The following AHDC1 variants were observed in gnomAD, a reference collection of about 807,000 sequenced individuals.
The protein encoded by AHDC1 is AT-hook DNA binding motif containing 1, also known as transcription factor Gibbin.
A neutral mutation model predicts 87.9 loss-of-function variants in AHDC1; 7 were observed. The observed-to-expected ratio is 0.08, with a 90% confidence interval of 0.05 to 0.15. The LOEUF is 0.15. Among genes scored for constraint, AHDC1 ranks in the 10% least tolerant of loss-of-function variants. The probability of loss-of-function intolerance (pLI) is 1.00; values close to 1 mark genes in which losing one functional copy is unlikely to be tolerated. For synonymous variants in AHDC1, 1,051 were observed against 1,006.8 expected, an observed-to-expected ratio of 1.04 and a Z score of -0.83; for missense variants, 1,841 against 2,253.2, an observed-to-expected ratio of 0.82 and a Z score of 3.70.
intron 8 of AHDC1, among the ~76,000 whole-genome samples, chr1:27,537,604 C>T (rs1035683601): frequency 2.0e-5 from 3 of 152,204 alleles, no homozygotes; most frequent in Admixed American, 6.5e-5. Context: ...ACCATAGCTA[C>T]GGTACCCTTG....
In AHDC1 at chr1:27,548,863, CGGCAGAGGCTGCAGAGGT is replaced by C. The variant is rs1388975523; in HGVS notation, c.3235_3252del (p.Thr1079_Ala1084del). 2.9e-5 allele frequency: 46 copies of C among 1,612,344 alleles called. No individual in the cohort carries two copies. The highest frequency in any genetic ancestry group is 3.6e-5 in the Non-Finnish European group (42 of 1,179,678). On this transcript the variant is annotated inframe_deletion, in exon 8 of 9. Transcript: ENST00000673934. ...TGGAAGGAGGAGGAGGAGGAGGAGG[CGGCAGAGGCTGCAGAGGT>C]GGCAGAGGCTGTGGTGCCCTTGGGT...
At chr1:27,573,996 T>C (rs995342643) in intron 3 of AHDC1, among the ~76,000 whole-genome samples, 19 of 152,078 alleles carry the variant, frequency 1.2e-4, no homozygotes, top group African/African-American at 4.6e-4. Flanking sequence ...GAACTGGGGA[T>C]AGGAGAGGTT....
chr1:27,572,454 T>C (rs2088560480), intron 3 of AHDC1, among the ~76,000 whole-genome samples: 1 of 152,144 alleles, frequency 6.6e-6, no homozygotes, highest in African/African-American at 2.4e-5. Flanking sequence ...TGACATCTGA[T>C]AGCAGCCCAA....
intron 3 of AHDC1, among the ~76,000 whole-genome samples, chr1:27,582,272 T>G (rs1233671129): frequency 6.6e-6 from 1 of 152,256 alleles, no homozygotes; most frequent in Non-Finnish European, 1.5e-5. Flanking sequence ...GACTCTTGAC[T>G]CAGTCAGATT....
At position 27,548,841 on chromosome 1, in the gene AHDC1, A is replaced by AAGGAGGAGG. The variant is rs530256606; in HGVS notation, c.3266_3274dup (p.Ser1089_Ser1091dup). 2.5e-6 allele frequency: 4 copies of AAGGAGGAGG among 1,611,746 alleles called. No homozygotes were observed. Among genetic ancestry groups the AAGGAGGAGG allele is most frequent in the Non-Finnish European group, 3.4e-6 (4 of 1,179,128 alleles). ...CCGACAGTTCTCGGGCGAGGGCTGG[A>AAGGAGGAGG]AGGAGGAGGAGGAGGAGGAGGCGGC... On this transcript the variant is annotated inframe_insertion, in exon 8 of 9. Transcript: ENST00000673934.
In AHDC1 at chr1:27,595,713, G is replaced by A. The variant is rs1234078688; in HGVS notation, c.-629+7684C>T. On this transcript the variant is annotated intron_variant, in intron 3 of 8. Coordinates refer to ENST00000673934, the MANE Select transcript of AHDC1 (RefSeq NM_001371928.1). This position sits in a 1 kb window ranked among gnomAD's most constrained non-coding sequence, Gnocchi z 4.0. ...GGTCCCTCCATACGTGGGAAGGGAA[G>A]AATGGGTCTCTGATATCAGAGATGT... 6.6e-6 allele frequency among the ~76,000 whole-genome samples: 1 copy of A among 151,950 alleles called. No individual in the cohort carries two copies. Among genetic ancestry groups the A allele is most frequent in the Non-Finnish European group, 1.5e-5 (1 of 67,976 alleles).
chr1:27,571,096 T>C (rs1339190748), intron 3 of AHDC1, among the ~76,000 whole-genome samples: 1 of 152,168 alleles, frequency 6.6e-6, no homozygotes, highest in Non-Finnish European at 1.5e-5. Context: ...CTCTACTTCC[T>C]GTGGCCAGAC....
chr1:27,559,815 A>G (rs2019986836), intron 3 of AHDC1, among the ~76,000 whole-genome samples: 1 of 152,078 alleles, frequency 6.6e-6, no homozygotes, highest in African/African-American at 2.4e-5. Flanking sequence ...CGAGGTCTGT[A>G]CTGGAGCCCA....
At chr1:27,601,869 CG>C (rs1467609637) in intron 3 of AHDC1, among the ~76,000 whole-genome samples, 95 of 152,218 alleles carry the variant, frequency 6.2e-4, no homozygotes, top group Non-Finnish European at 9.8e-4. Flanking sequence ...CAGCCGGCGG[CG>C]ACAGCAGCAG....
Position 27,566,497 on chromosome 1 carries a change from C to A in AHDC1, c.-628-7614G>T, listed in dbSNP as rs373618994. 9.2e-5 allele frequency among the ~76,000 whole-genome samples: 14 copies of A among 151,718 alleles called. No individual in the cohort carries two copies. In the East Asian group the frequency reaches 2.3e-3, roughly 25 times the overall value. On this transcript the variant is annotated intron_variant, in intron 3 of 8. Transcript: ENST00000673934. The stretch of plus-strand genomic sequence containing the variant: ...AACCTGAGGAGTCTGCACAGACAGG[C>A]GGAGGCACAGAGCACCAGCGACCCG...
intron 3 of AHDC1, among the ~76,000 whole-genome samples, chr1:27,575,704 G>A (rs1034511326): frequency 6.6e-6 from 1 of 151,650 alleles, no homozygotes; most frequent in African/African-American, 2.4e-5. Context: ...CAACCCGGCC[G>A]GGTAGCCACG....
At chr1:27,555,747 C>G (rs1403306084) in intron 5 of AHDC1, among the ~76,000 whole-genome samples, 4 of 152,154 alleles carry the variant, frequency 2.6e-5, no homozygotes, top group African/African-American at 9.7e-5. Context: ...TCAGGCTAGC[C>G]GAGCCTTCCC....
intron 3 of AHDC1, among the ~76,000 whole-genome samples, chr1:27,576,738 G>A (rs2088762837): frequency 6.6e-6 from 1 of 152,200 alleles, no homozygotes; most frequent in Non-Finnish European, 1.5e-5. Context: ...CCAGGCATGA[G>A]GGGCTGTTCT....
intron 3 of AHDC1, among the ~76,000 whole-genome samples, chr1:27,574,677 G>C (rs1371827448): frequency 6.6e-6 from 1 of 152,174 alleles, no homozygotes; most frequent in Non-Finnish European, 1.5e-5. Context: ...CCATCAGATG[G>C]GGAAGATGCC....
chr1:27,545,194 A>T lies in AHDC1; in HGVS notation c.*43+2067T>A, dbSNP rs1038831951. Among the ~76,000 whole-genome samples, 9 of 151,860 alleles carry T rather than the reference A, an allele frequency of 5.9e-5. No homozygotes were observed. In the East Asian group the frequency reaches 1.7e-3, roughly 29 times the overall value. ...TGCTTCCCACAGCTGGAATCAACAC[A>T]TGCTTAATGCCACTGTTTGCTGTCT... On this transcript the variant is annotated intron_variant, in intron 8 of 8. Coordinates refer to ENST00000673934, the MANE Select transcript of AHDC1 (RefSeq NM_001371928.1).
chr1:27,574,275 G>A (rs1311029173), intron 3 of AHDC1, among the ~76,000 whole-genome samples: 2 of 152,230 alleles, frequency 1.3e-5, no homozygotes, highest in African/African-American at 4.8e-5. Context: ...ACCTTGGGAA[G>A]TGAAATCTCA....
chr1:27,568,170 G>C (rs1195954451), intron 3 of AHDC1: 3 of 152,414 alleles, frequency 2.0e-5, no homozygotes, highest in East Asian at 3.9e-4. Flanking sequence ...AATGCAGCCG[G>C]TAAGCCATTC....
At chr1:27,540,605 G>A (rs541978801) in intron 8 of AHDC1, among the ~76,000 whole-genome samples, 2 of 152,198 alleles carry the variant, frequency 1.3e-5, no homozygotes, top group African/African-American at 4.8e-5. Flanking sequence ...CTTCTTGGAG[G>A]AAGTGATGTC....
intron 3 of AHDC1, among the ~76,000 whole-genome samples, chr1:27,575,594 C>T (rs942559915): frequency 1.3e-5 from 2 of 151,720 alleles, no homozygotes; most frequent in African/African-American, 4.8e-5. Context: ...AGAAGCTCTC[C>T]ATCATCCCCG....
Sources: gnomAD v4.1 joint callset for allele counts (sites outside exome capture counted in the v4.1 genomes callset) on GRCh38, gnomAD v4.1.1 for gene constraint, Gnocchi (gnomAD v3.1) non-coding constraint, MANE v1.5 for transcripts, NCBI Gene and HGNC (gene_info 2026-07-23, HGNC 2026-07-21) for gene names.